The following TECRL variants were observed in gnomAD, a reference collection of about 807,000 sequenced individuals.
The protein encoded by TECRL is trans-2,3-enoyl-CoA reductase like, also known as trans-2,3-enoyl-CoA reductase-like.
TECRL carries 63 observed loss-of-function variants against 52.8 expected under a neutral mutation model. The ratio of observed to expected loss-of-function variants is 1.19; its 90% CI spans 0.97 to 1.47. The LOEUF is 1.47. Ranked by LOEUF, TECRL falls within the 40% of genes most tolerant of loss-of-function variation. The pLI, the probability that TECRL is intolerant of heterozygous loss-of-function variation, is 0.00. For synonymous variants in TECRL, 164 were observed against 141.9 expected (o/e 1.16, Z -1.10); for missense variants, 482 against 429.6 (o/e 1.12, Z -1.08).
intron 1 of TECRL, among the ~76,000 whole-genome samples, chr4:64,393,552 C>G (rs1435739690): frequency 6.6e-6 from 1 of 151,900 alleles, no homozygotes; most frequent in Non-Finnish European, 1.5e-5. Flanking sequence ...TTCCTAAGGA[C>G]ATTAAAATTG....
chr4:64,372,406 C>T (rs1309199942), intron 2 of TECRL, among the ~76,000 whole-genome samples: 1 of 151,748 alleles, frequency 6.6e-6, no homozygotes, highest in African/African-American at 2.4e-5. Context: ...TTCCTCTCTC[C>T]TTGCCTTAGC....
At chr4:64,313,476 C>CTTTTTTTT (rs565143298) in intron 5 of TECRL, among the ~76,000 whole-genome samples, 1 of 66,322 alleles carries the variant, frequency 1.5e-5, no homozygotes, top group Non-Finnish European at 2.8e-5. Flanking sequence ...TGCCTTACTC[C>CTTTTTTTT]TTTTTTTTTT....
At chr4:64,276,919 T>A, downstream of TECRL, 1 of 655,272 alleles carries the variant, frequency 1.5e-6, no homozygotes, top group Non-Finnish European at 2.5e-6. Context: ...AACCTGTAAA[T>A]GAAGGTTAGG....
intron 6 of TECRL, among the ~76,000 whole-genome samples, chr4:64,307,871 A>C (rs1724430032): frequency 6.6e-6 from 1 of 152,202 alleles, no homozygotes. Flanking sequence ...GGAAGGCCTT[A>C]TCCAGTTGGA....
chr4:64,277,222 G>A (rs1484862429), downstream of TECRL, among the ~76,000 whole-genome samples: 1 of 151,840 alleles, frequency 6.6e-6, no homozygotes, highest in Non-Finnish European at 1.5e-5. Flanking sequence ...CTGTCATATA[G>A]GTACCCCATA....
chr4:64,299,645 T>C (rs1054164162), intron 8 of TECRL, among the ~76,000 whole-genome samples: 2 of 151,010 alleles, frequency 1.3e-5, no homozygotes, highest in African/African-American at 2.4e-5. Flanking sequence ...GGGGTGTTTG[T>C]CTGTAAGATT....
intron 1 of TECRL, among the ~76,000 whole-genome samples, chr4:64,399,192 A>T (rs1047882794): frequency 3.9e-5 from 6 of 152,104 alleles, no homozygotes; most frequent in African/African-American, 1.4e-4. Context: ...CCACGAGTGT[A>T]TTCTCTCCCT....
Position 64,280,161 on chromosome 4 carries a change from A to C in TECRL, c.1003T>G (p.Leu335Val), listed in dbSNP as rs549574336. 5 of 1,601,986 alleles carry C rather than the reference A, an allele frequency of 3.1e-6. No individual in the cohort carries two copies. The highest frequency in any genetic ancestry group is 1.7e-6 in the Non-Finnish European group (2 of 1,174,636). Residue 335 changes from leucine to valine, a missense_variant, in exon 12 of 12, where the codon TTG becomes GTG. Transcript: ENST00000381210. ...ATCTTATGTTTCTTTTGTGCCCACA[A>C]AGACATCTGGATACTCATCAGAAGT... ...FTLLMSIQMSLWAQKKHKIYL... is the reference protein window; with the variant it reads ...FTLLMSIQMSVWAQKKHKIYL...
At chr4:64,319,907 A>T (rs1019241222) in intron 4 of TECRL, among the ~76,000 whole-genome samples, 5 of 152,050 alleles carry the variant, frequency 3.3e-5, no homozygotes, top group African/African-American at 1.2e-4. Context: ...AAATATGGAG[A>T]TGAAGAACAC....
rs993002900 is a variant in TECRL at position 64,279,269 on chromosome 4, T to C, written c.*803A>G. On this transcript the variant is annotated 3_prime_UTR_variant, in exon 12 of 12. Transcript: ENST00000381210. ...TCACCAATATGTTATTTTTATTTTA[T>C]TTTGAGACAGTCTCACTCTGTCACC... 2.0e-5 allele frequency: 3 copies of C among 152,196 alleles called. No homozygotes were observed. Among genetic ancestry groups the C allele is most frequent in the African/African-American group, 7.2e-5 (3 of 41,446 alleles). 9.4% of individuals were successfully genotyped at this position (152,196 alleles called of 1,614,324 possible).
intron 1 of TECRL, among the ~76,000 whole-genome samples, chr4:64,394,273 C>CTATGCT (rs1723764982): frequency 6.6e-6 from 1 of 152,126 alleles, no homozygotes; most frequent in African/African-American, 2.4e-5. Context: ...GTAGCGTAGC[C>CTATGCT]TATGCTCCTT....
intron 2 of TECRL, among the ~76,000 whole-genome samples, chr4:64,338,818 C>A (rs1469454433): frequency 6.6e-6 from 1 of 152,158 alleles, no homozygotes; most frequent in Non-Finnish European, 1.5e-5. Context: ...AATAGGAACA[C>A]TTTTACACTG....
intron 1 of TECRL, among the ~76,000 whole-genome samples, chr4:64,395,234 T>G (rs553572268): frequency 5.9e-4 from 90 of 152,218 alleles, no homozygotes; most frequent in Non-Finnish European, 1.3e-4. Context: ...GTGAATTTTT[T>G]TAAGCCCTGT....
chr4:64,338,786 G>A (rs1230989200), intron 2 of TECRL, among the ~76,000 whole-genome samples: 2 of 152,180 alleles, frequency 1.3e-5, no homozygotes, highest in Non-Finnish European at 2.9e-5. Context: ...GGAAACAACA[G>A]GTGCTGGAGA....
At chr4:64,404,681 T>C (rs1724591471) in intron 1 of TECRL, among the ~76,000 whole-genome samples, 1 of 152,088 alleles carries the variant, frequency 6.6e-6, no homozygotes, top group Non-Finnish European at 1.5e-5. Context: ...TATTAATGAA[T>C]TATACACTAA....
chr4:64,312,013 T>G (rs991196547), intron 5 of TECRL, among the ~76,000 whole-genome samples: 9 of 152,202 alleles, frequency 5.9e-5, no homozygotes, highest in Admixed American at 1.3e-4. Context: ...AACAGGTTCA[T>G]AAGATACTTG....
At chr4:64,297,973 G>T (rs967530593) in intron 8 of TECRL, among the ~76,000 whole-genome samples, 3 of 150,694 alleles carry the variant, frequency 2.0e-5, no homozygotes, top group African/African-American at 7.3e-5. Flanking sequence ...GAGTCACAGT[G>T]GTCATTCTAT....
At chr4:64,293,403 G>T (rs1390042577) in intron 8 of TECRL, among the ~76,000 whole-genome samples, 1 of 151,986 alleles carries the variant, frequency 6.6e-6, no homozygotes, top group Non-Finnish European at 1.5e-5. Flanking sequence ...TATTGTAAGT[G>T]ATGTATTATG....
At chr4:64,373,494 C>T (rs1043509892) in intron 2 of TECRL, among the ~76,000 whole-genome samples, 22 of 151,758 alleles carry the variant, frequency 1.4e-4, no homozygotes, top group East Asian at 5.8e-4. Context: ...AAATAGAAAA[C>T]GCGTTCCTTT....
Sources: allele counts gnomAD v4.1 joint callset (sites outside exome capture counted in the v4.1 genomes callset), GRCh38; gene constraint gnomAD v4.1.1; transcripts MANE v1.5; gene names NCBI Gene and HGNC (gene_info 2026-07-23, HGNC 2026-07-21).